The following DAP variants were observed in gnomAD, a reference collection of about 807,000 sequenced individuals.
DAP encodes death associated protein.
A neutral mutation model predicts 13.8 loss-of-function variants in DAP; 8 were observed. The ratio of observed to expected loss-of-function variants is 0.58; its 90% CI spans 0.34 to 1.05. The LOEUF (loss-of-function observed/expected upper bound fraction) is 1.05, where lower values mean the gene tolerates loss of function less well. Among genes scored for constraint, DAP ranks in the 50% least tolerant of loss-of-function variants. The probability of loss-of-function intolerance (pLI) is 0.03; values close to 1 mark genes in which losing one functional copy is unlikely to be tolerated. For synonymous variants in DAP, 47 were observed against 47.5 expected, an observed-to-expected ratio of 0.99 and a Z score of 0.04; for missense variants, 106 against 133.2, an observed-to-expected ratio of 0.80 and a Z score of 1.01.
At chr5:10,711,744 G>T (rs145876968) in intron 2 of DAP, among the ~76,000 whole-genome samples, 25 of 152,324 alleles carry the variant, frequency 1.6e-4, no homozygotes, top group South Asian at 4.2e-4. Flanking sequence ...AGAGCCTCAA[G>T]AACTGCTGAT....
intron 1 of DAP, among the ~76,000 whole-genome samples, 174 bp downstream of exon 1, chr5:10,760,840 C>G (rs902447316): frequency 2.0e-5 from 3 of 151,848 alleles, no homozygotes; most frequent in African/African-American, 4.8e-5. Flanking sequence ...GCGGGCTCCT[C>G]CCGGGCCTGG....
intron 3 of DAP, 125 bp downstream of exon 3, chr5:10,683,404 C>T: frequency 1.0e-6 from 1 of 959,530 alleles, no homozygotes; most frequent in Non-Finnish European, 1.7e-6. Context: ...GAGCCATGGC[C>T]ACAGAGGAGA....
chr5:10,740,821 G>C (rs1739735420), intron 2 of DAP, among the ~76,000 whole-genome samples: 1 of 152,160 alleles, frequency 6.6e-6, no homozygotes, highest in Non-Finnish European at 1.5e-5. Flanking sequence ...AAACCCAGTG[G>C]GAAGAAATAA....
chr5:10,703,804 G>T (rs907867443), intron 2 of DAP, among the ~76,000 whole-genome samples: 2 of 152,220 alleles, frequency 1.3e-5, no homozygotes, highest in African/African-American at 4.8e-5. Flanking sequence ...CCCCTGGCTG[G>T]CTGCCCAAGG....
chr5:10,725,176 T>C (rs1490359045), intron 2 of DAP, among the ~76,000 whole-genome samples: 2 of 152,234 alleles, frequency 1.3e-5, no homozygotes, highest in Non-Finnish European at 1.5e-5. Flanking sequence ...TTTCCACTTA[T>C]CGTCATCATG....
chr5:10,749,579 C>T (rs756103519), intron 1 of DAP, among the ~76,000 whole-genome samples: 107 of 152,118 alleles, frequency 7.0e-4, no homozygotes, highest in Non-Finnish European at 1.4e-3. Flanking sequence ...TGTAAGGGGT[C>T]GGGTAATCTA....
At chr5:10,698,394 C>T (rs920763756) in intron 2 of DAP, among the ~76,000 whole-genome samples, 1 of 151,420 alleles carries the variant, frequency 6.6e-6, no homozygotes, top group African/African-American at 2.4e-5. Flanking sequence ...GGATAACTTA[C>T]GTTCAACCCA....
intron 2 of DAP, among the ~76,000 whole-genome samples, chr5:10,712,918 C>A (rs560887442): frequency 6.6e-6 from 1 of 152,196 alleles, no homozygotes; most frequent in African/African-American, 2.4e-5. Flanking sequence ...AGGTGGGGCT[C>A]CTATTGAAGT....
At chr5:10,725,329 C>G (rs79370179) in intron 2 of DAP, among the ~76,000 whole-genome samples, 47 of 152,336 alleles carry the variant, frequency 3.1e-4, no homozygotes, top group African/African-American at 1.1e-3. Flanking sequence ...GGGTCCTGAG[C>G]TCGGGCTGTC....
At chr5:10,705,350 G>A (rs1738671480) in intron 2 of DAP, among the ~76,000 whole-genome samples, 1 of 152,194 alleles carries the variant, frequency 6.6e-6, no homozygotes, top group Non-Finnish European at 1.5e-5. Context: ...GCTAAATAGG[G>A]GTCACAGTGA....
At chr5:10,751,819 G>T (rs1416871038) in intron 1 of DAP, among the ~76,000 whole-genome samples, 1 of 152,206 alleles carries the variant, frequency 6.6e-6, no homozygotes, top group Non-Finnish European at 1.5e-5. Flanking sequence ...CAGGAGAGAG[G>T]TCTCAGGAGA....
intron 2 of DAP, among the ~76,000 whole-genome samples, chr5:10,713,744 C>T (rs1020625242): frequency 3.3e-5 from 5 of 152,204 alleles, no homozygotes; most frequent in South Asian, 4.1e-4. Flanking sequence ...TGTGCTCTGG[C>T]GGGGAAGCGG....
chr5:10,684,730 G>A (rs575565239), intron 2 of DAP, among the ~76,000 whole-genome samples: 2 of 152,274 alleles, frequency 1.3e-5, no homozygotes, highest in African/African-American at 4.8e-5. Flanking sequence ...TTATGGCTAC[G>A]TGTGCCATAA....
intron 1 of DAP, among the ~76,000 whole-genome samples, chr5:10,752,976 C>G (rs1014584682): frequency 6.6e-6 from 1 of 152,220 alleles, no homozygotes; most frequent in African/African-American, 2.4e-5. Context: ...GCTCTTCACC[C>G]TCTCTTCACA....
intron 2 of DAP, among the ~76,000 whole-genome samples, chr5:10,684,554 G>GGGC (rs1417957026): frequency 2.0e-5 from 3 of 152,134 alleles, no homozygotes; most frequent in African/African-American, 7.2e-5. Context: ...TGTTAACGTG[G>GGGC]GGCTATCCTC....
At chr5:10,685,680 T>C (rs942508841) in intron 2 of DAP, among the ~76,000 whole-genome samples, 2 of 152,260 alleles carry the variant, frequency 1.3e-5, no homozygotes, top group Middle Eastern at 3.4e-3. Context: ...GTAGCAGGAG[T>C]GCACAGTGGC....
At chr5:10,726,170 T>C (rs1739283743) in intron 2 of DAP, among the ~76,000 whole-genome samples, 1 of 152,236 alleles carries the variant, frequency 6.6e-6, no homozygotes, top group African/African-American at 2.4e-5. Flanking sequence ...CAGTTGTCAT[T>C]TATACTCTCT....
rs980574898 is a variant in DAP at position 10,707,543 on chromosome 5, T to C, written c.153-23972A>G. Among the ~76,000 whole-genome samples the C allele has an allele frequency of 6.6e-6, 1 of 152,106 alleles. No homozygotes were observed. Among genetic ancestry groups the C allele is most frequent in the Non-Finnish European group, 1.5e-5 (1 of 68,026 alleles). On this transcript the variant is annotated intron_variant, in intron 2 of 3. Coordinates refer to ENST00000230895, the MANE Select transcript of DAP (RefSeq NM_004394.3). The surrounding 1 kb of genome is among the most constrained non-coding windows in gnomAD (Gnocchi z 4.0). Reference sequence around the variant, plus strand: ...GTGGTGTGATGCATGGGTGCTGTGATGCAGGGGTGGTGTGATTTGCGATCA... The same window carrying C: ...GTGGTGTGATGCATGGGTGCTGTGACGCAGGGGTGGTGTGATTTGCGATCA...
chr5:10,685,986 T>C (rs1738146459), intron 2 of DAP, among the ~76,000 whole-genome samples: 1 of 152,138 alleles, frequency 6.6e-6, no homozygotes, highest in South Asian at 2.1e-4. Context: ...ACTTCACAGG[T>C]AATGTGTTTC....
Sources: allele counts gnomAD v4.1 joint callset (sites outside exome capture counted in the v4.1 genomes callset), GRCh38; gene constraint gnomAD v4.1.1; non-coding constraint Gnocchi (gnomAD v3.1); transcripts MANE v1.5; gene names NCBI Gene and HGNC (gene_info 2026-07-23, HGNC 2026-07-21).